The following USH2A variants were observed in gnomAD, a reference collection of about 807,000 sequenced individuals.
USH2A encodes usherin.
USH2A carries 443 observed loss-of-function variants against 538.9 expected under a neutral mutation model. The ratio of observed to expected loss-of-function variants is 0.82; its 90% CI spans 0.76 to 0.89. The LOEUF is 0.89. USH2A is among the 40% of genes least tolerant of loss of function. USH2A has a pLI of 0.00. For synonymous variants in USH2A, 2,413 were observed against 2,273.5 expected, an observed-to-expected ratio of 1.06 and a Z score of -1.75; for missense variants, 6,633 against 6,324.8, an observed-to-expected ratio of 1.05 and a Z score of -1.65.
chr1:215,712,538 G>A (rs1170677484), intron 61 of USH2A, among the ~76,000 whole-genome samples: 2 of 152,324 alleles, frequency 1.3e-5, no homozygotes, highest in South Asian at 2.1e-4. Flanking sequence ...CCAGAACACT[G>A]TGGATGTTGA....
At chr1:216,273,238 C>T (rs1470293731) in intron 11 of USH2A, among the ~76,000 whole-genome samples, 1 of 151,986 alleles carries the variant, frequency 6.6e-6, no homozygotes, top group Non-Finnish European at 1.5e-5. Flanking sequence ...AAATGGGCGA[C>T]TGAAAATAGA....
intron 50 of USH2A, among the ~76,000 whole-genome samples, chr1:215,794,945 T>A (rs1335860111): frequency 6.6e-6 from 1 of 152,206 alleles, no homozygotes; most frequent in Non-Finnish European, 1.5e-5. Context: ...GGAAAACAAG[T>A]TAAGAACCAT....
intron 3 of USH2A, among the ~76,000 whole-genome samples, chr1:216,384,267 C>A (rs1034722925): frequency 6.6e-6 from 1 of 151,672 alleles, no homozygotes; most frequent in African/African-American, 2.4e-5. Flanking sequence ...AATAAAAATG[C>A]AGACCCCTTT....
At chr1:216,282,922 C>T (rs1054789783) in intron 11 of USH2A, among the ~76,000 whole-genome samples, 1 of 152,132 alleles carries the variant, frequency 6.6e-6, no homozygotes, top group Non-Finnish European at 1.5e-5. Flanking sequence ...TATAATTTTA[C>T]ACTTCTTTTA....
Position 215,634,608 on chromosome 1 carries a change from G to C in USH2A, c.15148C>G (p.Leu5050Val). 1 of 1,614,196 alleles carries C rather than the reference G, an allele frequency of 6.2e-7. No homozygotes were observed. The highest frequency in any genetic ancestry group is 8.5e-7 in the Non-Finnish European group (1 of 1,180,046). ...ELWFIVLMAM[L>V]GLILLAIFLS... is the part of the protein sequence containing the mutation. ...AAAATGGCCAACAAGATCAAGCCCA[G>C]CATCGCCATTAACACTATGAACCAC... Residue 5050 changes from leucine (L) to valine (V), a missense_variant, in exon 70 of 72, where the codon CTG becomes GTG. Leu to Val is a conservative substitution (Grantham distance 32, BLOSUM62 1). Coordinates refer to ENST00000307340, the MANE Select transcript of USH2A (RefSeq NM_206933.4).
At chr1:216,197,606 G>A (rs956764957) in intron 18 of USH2A, among the ~76,000 whole-genome samples, 14 of 152,010 alleles carry the variant, frequency 9.2e-5, no homozygotes, top group African/African-American at 3.4e-4. Flanking sequence ...ATTCCTAACA[G>A]GTCAAGTTTA....
At chr1:215,797,640 T>C (rs1043637710) in intron 50 of USH2A, among the ~76,000 whole-genome samples, 4 of 152,070 alleles carry the variant, frequency 2.6e-5, no homozygotes, top group African/African-American at 9.7e-5. Flanking sequence ...GCTGTATGAT[T>C]ACATATCTGT....
At chr1:216,343,900 G>A (rs892192716) in intron 4 of USH2A, among the ~76,000 whole-genome samples, 1 of 151,990 alleles carries the variant, frequency 6.6e-6, no homozygotes, top group East Asian at 1.9e-4. Context: ...ATTACCATAT[G>A]TTTTCTGCTT....
chr1:216,349,676 TG>T (rs2038241116), intron 4 of USH2A, among the ~76,000 whole-genome samples: 1 of 152,140 alleles, frequency 6.6e-6, no homozygotes, highest in African/African-American at 2.4e-5. Context: ...TCCTCAATTC[TG>T]GGAATTGCCC....
intron 21 of USH2A, among the ~76,000 whole-genome samples, chr1:216,159,818 T>C (rs1294107028): frequency 6.6e-6 from 1 of 152,150 alleles, no homozygotes; most frequent in African/African-American, 2.4e-5. Context: ...GACTTAACTA[T>C]AGATTTCATT....
At position 216,348,794 on chromosome 1, in the gene USH2A, T is replaced by C. The variant is rs141024396; in HGVS notation, c.784+16159A>G. 2.5e-3 allele frequency among the ~76,000 whole-genome samples: 379 copies of C among 151,858 alleles called. 3 individuals carry two copies. Among genetic ancestry groups the C allele is most frequent in the African/African-American group, 8.5e-3 (353 of 41,490 alleles). On this transcript the variant is annotated intron_variant, in intron 4 of 71. Coordinates refer to ENST00000307340, the MANE Select transcript of USH2A (RefSeq NM_206933.4). Reference sequence around the variant, plus strand: ...CTAGTCTCATTAGTTGTGTTTAAGGTTTTTTTTCTGTAATTTAGACAGACT... The same window carrying C: ...CTAGTCTCATTAGTTGTGTTTAAGGCTTTTTTTCTGTAATTTAGACAGACT...
chr1:216,242,944 T>A (rs1373781212), intron 13 of USH2A, among the ~76,000 whole-genome samples: 2 of 152,226 alleles, frequency 1.3e-5, no homozygotes, highest in African/African-American at 2.4e-5. Context: ...TAAAATGTTC[T>A]CTGATTAAAT....
At chr1:215,912,231 G>T (rs1665802319) in intron 38 of USH2A, among the ~76,000 whole-genome samples, 1 of 151,690 alleles carries the variant, frequency 6.6e-6, no homozygotes, top group Admixed American at 6.6e-5. Context: ...TGTTTGCCTT[G>T]GTTGCCTGTG....
intron 10 of USH2A, among the ~76,000 whole-genome samples, chr1:216,291,027 C>T (rs1310936068): frequency 1.3e-5 from 2 of 152,138 alleles, no homozygotes; most frequent in East Asian, 3.9e-4. Flanking sequence ...AACTAGTTTT[C>T]CCCAACCACT....
chr1:216,097,595 T>A (rs924856384), intron 21 of USH2A, among the ~76,000 whole-genome samples: 1 of 152,208 alleles, frequency 6.6e-6, no homozygotes, highest in Non-Finnish European at 1.5e-5. Context: ...AGGGTCTTGC[T>A]TAAAATATTT....
At chr1:216,397,561 G>A (rs188279818) in intron 3 of USH2A, among the ~76,000 whole-genome samples, 93 of 152,322 alleles carry the variant, frequency 6.1e-4, no homozygotes, top group African/African-American at 2.0e-3. Flanking sequence ...CAGCTTGCAG[G>A]CTTTTCTTGC....
rs182011971 is a variant in USH2A at position 216,399,766 on chromosome 1, G to A, written c.651+18748C>T. ...ACAAGGCAGCAGCAATAGGCGGCCC[G>A]CTTTCACTGGGAAGGGGTCAACAGG... On this transcript the variant is annotated intron_variant, in intron 3 of 71. Coordinates refer to ENST00000307340, the MANE Select transcript of USH2A (RefSeq NM_206933.4). Among the ~76,000 whole-genome samples the A allele has an allele frequency of 1.8e-4, 28 of 152,194 alleles. No individual in the cohort carries two copies. In the East Asian group the frequency reaches 4.1e-3, roughly 22 times the overall value.
At position 215,627,425 on chromosome 1, in the gene USH2A, C is replaced by CTTCCTTCTTTCCTTCCTTCT. The variant is rs1558027362; in HGVS notation, c.15519+1388_15519+1389insAGAAGGAAGGAAAGAAGGAA. 1.1e-3 allele frequency among the ~76,000 whole-genome samples: 113 copies of CTTCCTTCTTTCCTTCCTTCT among 105,890 alleles called. 7 individuals carry two copies. Among genetic ancestry groups the CTTCCTTCTTTCCTTCCTTCT allele is most frequent in the African/African-American group, 2.5e-3 (52 of 20,780 alleles). The allele number at this position is 105,890 out of a possible 152,430, so 69.5% of individuals were successfully genotyped here. ...CCTTCCTTCCTTCCTTCCTTCCTTCCTTCCTTCCTTCCTTCCTTCCTTCCT... is the reference window on the plus strand; with the variant it reads ...CCTTCCTTCCTTCCTTCCTTCCTTCCTTCCTTCTTTCCTTCCTTCTTTCCTTCCTTCCTTCCTTCCTTCCT... On this transcript the variant is annotated intron_variant, in intron 71 of 71. Coordinates refer to ENST00000307340, the MANE Select transcript of USH2A (RefSeq NM_206933.4).
chr1:216,168,848 A>G (rs2034221135), intron 21 of USH2A, among the ~76,000 whole-genome samples: 1 of 152,038 alleles, frequency 6.6e-6, no homozygotes, highest in African/African-American at 2.4e-5. Context: ...CTGACTCACC[A>G]CAAGAGGACA....
Sources: allele counts gnomAD v4.1 joint callset (sites outside exome capture counted in the v4.1 genomes callset), GRCh38; gene constraint gnomAD v4.1.1; transcripts MANE v1.5; gene names NCBI Gene and HGNC (gene_info 2026-07-23, HGNC 2026-07-21).